The following SENP7 variants were observed in gnomAD, a reference collection of about 807,000 sequenced individuals.
SENP7 encodes the protein sentrin-specific protease 7.
In SENP7, 64 loss-of-function variants were observed where a neutral mutation model predicts 141.2. That is an observed-to-expected ratio of 0.45 (90% CI 0.37 to 0.56). SENP7 has a LOEUF of 0.56. SENP7 is among the 20% of genes least tolerant of loss of function. The pLI is 0.00. For synonymous variants in SENP7, 382 were observed against 426.4 expected, an observed-to-expected ratio of 0.90 and a Z score of 1.28; for missense variants, 1,025 against 1,212.2, an observed-to-expected ratio of 0.85 and a Z score of 2.29.
At chr3:101,347,765 A>C (rs776258344) in intron 13 of SENP7, 107 bp downstream of exon 13, 3 of 575,494 alleles carry the variant, frequency 5.2e-6, no homozygotes, top group Non-Finnish European at 8.3e-6. Flanking sequence ...CACTAAATAA[A>C]ATTAATTTCA....
At chr3:101,386,373 C>G (rs1475613131) in intron 6 of SENP7, among the ~76,000 whole-genome samples, 1 of 152,164 alleles carries the variant, frequency 6.6e-6, no homozygotes, top group Non-Finnish European at 1.5e-5. Flanking sequence ...CCTGGCAGGA[C>G]CTGAGACTAA....
chr3:101,454,405 G>A (rs1405966243), intron 4 of SENP7, among the ~76,000 whole-genome samples: 1 of 152,096 alleles, frequency 6.6e-6, no homozygotes, highest in African/African-American at 2.4e-5. Context: ...CCAACTACTT[G>A]GTGGGCTGAG....
At chr3:101,391,767 T>C (rs906290716) in intron 6 of SENP7, among the ~76,000 whole-genome samples, 2 of 151,948 alleles carry the variant, frequency 1.3e-5, no homozygotes, top group Non-Finnish European at 2.9e-5. Flanking sequence ...ATAACAAAAC[T>C]ATACAAGGAC....
At chr3:101,378,592 T>C (rs1402255) in intron 6 of SENP7, among the ~76,000 whole-genome samples, 60,026 of 151,526 alleles carry the variant, frequency 0.4, 12,338 homozygotes, top group Admixed American at 0.53. Flanking sequence ...ATAGGCATAA[T>C]GGGAATATCA....
intron 4 of SENP7, among the ~76,000 whole-genome samples, chr3:101,449,880 T>C (rs1227172779): frequency 6.6e-6 from 1 of 152,188 alleles, no homozygotes; most frequent in Non-Finnish European, 1.5e-5. Flanking sequence ...TAACCTTAAA[T>C]GTAAATGGGC....
At chr3:101,421,322 A>G (rs2061785710) in intron 4 of SENP7, among the ~76,000 whole-genome samples, 1 of 152,118 alleles carries the variant, frequency 6.6e-6, no homozygotes, top group Non-Finnish European at 1.5e-5. Flanking sequence ...AAAGACTACC[A>G]GTCTATTATT....
intron 5 of SENP7, among the ~76,000 whole-genome samples, chr3:101,410,584 C>G (rs533587690): frequency 6.6e-6 from 1 of 152,168 alleles, no homozygotes; most frequent in Non-Finnish European, 1.5e-5. Context: ...CAGTGGCTGA[C>G]GCCTGTAATC....
intron 11 of SENP7, among the ~76,000 whole-genome samples, chr3:101,353,761 A>C (rs1437721853): frequency 2.0e-5 from 3 of 152,004 alleles, no homozygotes; most frequent in Non-Finnish European, 4.4e-5. Context: ...CCAGTGTCTA[A>C]CTATAGGAAC....
chr3:101,350,623 A>G (rs912070100), intron 12 of SENP7, among the ~76,000 whole-genome samples: 1 of 152,086 alleles, frequency 6.6e-6, no homozygotes, highest in African/African-American at 2.4e-5. Flanking sequence ...TATAAATATT[A>G]ACTGTGAAAA....
intron 11 of SENP7, among the ~76,000 whole-genome samples, chr3:101,352,652 CTATT>C (rs1362414240): frequency 6.6e-6 from 1 of 151,872 alleles, no homozygotes; most frequent in Non-Finnish European, 1.5e-5. Flanking sequence ...GAATTTGTAC[CTATT>C]TATTTATTAC....
At chr3:101,415,164 G>A (rs1390423680) in intron 5 of SENP7, among the ~76,000 whole-genome samples, 2 of 152,190 alleles carry the variant, frequency 1.3e-5, no homozygotes, top group Non-Finnish European at 2.9e-5. Flanking sequence ...ATTTATACAA[G>A]GGCATACAAG....
Position 101,418,320 on chromosome 3 carries a change from T to G in SENP7, c.285-530A>C, listed in dbSNP as rs2107660199. Among the ~76,000 whole-genome samples the G allele has an allele frequency of 1.3e-5, 2 of 149,570 alleles. 1 individual carries two copies. The highest frequency in any genetic ancestry group is 4.2e-4 in the South Asian group (2 of 4,752). ...TTACCTTACTGTACCTATACCAATT[T>G]CAAAAAAAAAAAAAGACTGACAAAT... On this transcript the variant is annotated intron_variant, in intron 4 of 23. Coordinates refer to ENST00000394095, the MANE Select transcript of SENP7 (RefSeq NM_020654.5).
At chr3:101,450,547 C>T (rs979363226) in intron 4 of SENP7, among the ~76,000 whole-genome samples, 1 of 152,104 alleles carries the variant, frequency 6.6e-6, no homozygotes, top group Non-Finnish European at 1.5e-5. Flanking sequence ...CAAGAACTCA[C>T]GATTAAGAAA....
chr3:101,498,239 T>C (rs2065236987), intron 2 of SENP7, among the ~76,000 whole-genome samples: 1 of 152,168 alleles, frequency 6.6e-6, no homozygotes, highest in Non-Finnish European at 1.5e-5. Flanking sequence ...AAATAGTATA[T>C]TTGCATAGAT....
At chr3:101,337,336 G>C (rs2107160214) in intron 17 of SENP7, 173 bp downstream of exon 17, 1 of 397,424 alleles carries the variant, frequency 2.5e-6, no homozygotes, top group East Asian at 4.2e-5. Flanking sequence ...CCTGTCATGG[G>C]CAGCAAAACA....
At chr3:101,327,249 G>C (rs149240866) in intron 23 of SENP7, among the ~76,000 whole-genome samples, 1 of 151,848 alleles carries the variant, frequency 6.6e-6, no homozygotes, top group East Asian at 1.9e-4. Context: ...GCTGTGCCCC[G>C]ACCCAAATCT....
chr3:101,442,557 C>G (rs1431779208), intron 4 of SENP7, among the ~76,000 whole-genome samples: 1 of 152,098 alleles, frequency 6.6e-6, no homozygotes, highest in East Asian at 1.9e-4. Flanking sequence ...GGCCACGGAC[C>G]AGTACCAGTC....
intron 3 of SENP7, among the ~76,000 whole-genome samples, chr3:101,485,644 C>G (rs902215594): frequency 6.6e-6 from 1 of 152,202 alleles, no homozygotes; most frequent in Non-Finnish European, 1.5e-5. Context: ...TCTGACAGAG[C>G]CTACCCAAAT....
At chr3:101,491,377 C>T (rs2064961797) in intron 3 of SENP7, among the ~76,000 whole-genome samples, 1 of 87,588 alleles carries the variant, frequency 1.1e-5, no homozygotes, top group Non-Finnish European at 2.6e-5. Flanking sequence ...CCCACCTCAG[C>T]CTGCTGAGTA....
Sources: gnomAD v4.1 joint callset for allele counts (sites outside exome capture counted in the v4.1 genomes callset) on GRCh38, gnomAD v4.1.1 for gene constraint, MANE v1.5 for transcripts, NCBI Gene and HGNC (gene_info 2026-07-23, HGNC 2026-07-21) for gene names.